Variants in ANXA8 observed in about 807,000 individuals in gnomAD.
ANXA8 encodes the protein annexin A8.
In ANXA8, 9 loss-of-function variants were observed where a neutral mutation model predicts 26.8. The observed-to-expected ratio is 0.34, with a 90% CI of 0.20 to 0.59. The LOEUF (loss-of-function observed/expected upper bound fraction) is 0.59. Ranked by LOEUF, ANXA8 falls within the 20% of genes least tolerant of loss-of-function variation. ANXA8 has a pLI of 0.84. For missense variants in ANXA8, 83 were observed against 238.5 expected, an observed-to-expected ratio of 0.35 and a Z score of 4.29; for synonymous variants, 39 against 94.8, an observed-to-expected ratio of 0.41 and a Z score of 3.42.
At chr10:47,645,370 T>C in the ANXA8 span, among the ~76,000 whole-genome samples, 1 of 148,116 alleles carries the variant, frequency 6.8e-6, no homozygotes, top group Admixed American at 6.7e-5. Context: ...GTCGTCTCAG[T>C]TAACACAAAG....
the ANXA8 span, among the ~76,000 whole-genome samples, chr10:47,625,576 C>T: frequency 6.6e-6 from 1 of 151,218 alleles, no homozygotes; most frequent in Non-Finnish European, 1.5e-5. Context: ...GAGATCTTGC[C>T]CCGTTCTCAC....
chr10:47,585,410 T>G, the ANXA8 span, among the ~76,000 whole-genome samples: 1 of 139,850 alleles, frequency 7.2e-6, no homozygotes, highest in African/African-American at 2.8e-5. Context: ...GCAATGATTC[T>G]GAATAAAGAT....
the ANXA8 span, chr10:47,689,980 T>C: frequency 6.3e-7 from 1 of 1,594,724 alleles, no homozygotes; most frequent in Non-Finnish European, 8.6e-7. Flanking sequence ...GAAAGATGAC[T>C]TTGTACGTTC....
At chr10:47,552,385 C>A in the ANXA8 span, among the ~76,000 whole-genome samples, 2 of 151,488 alleles carry the variant, frequency 1.3e-5, no homozygotes, top group African/African-American at 4.8e-5. Flanking sequence ...ACAGCTCAGA[C>A]CTAGACATCG....
At chr10:47,928,750 C>CTTTTTTT in the ANXA8 span, among the ~76,000 whole-genome samples, 1 of 102,768 alleles carries the variant, frequency 9.7e-6, no homozygotes, top group Non-Finnish European at 2.0e-5. Flanking sequence ...CTCTCTCTCT[C>CTTTTTTT]TTTTTTTTTT....
At chr10:47,563,782 A>C in the ANXA8 span, 2 of 746,236 alleles carry the variant, frequency 2.7e-6, no homozygotes, top group Middle Eastern at 6.6e-4. Context: ...ACCTTATCGG[A>C]ACTGATTTTT....
At chr10:47,626,082 C>T in the ANXA8 span, among the ~76,000 whole-genome samples, 1 of 150,348 alleles carries the variant, frequency 6.7e-6, no homozygotes, top group Admixed American at 6.6e-5. Context: ...TTTTATAGAT[C>T]TGGTACTGAG....
chr10:47,907,117 G>A, the ANXA8 span, among the ~76,000 whole-genome samples: 2 of 151,844 alleles, frequency 1.3e-5, no homozygotes, highest in Non-Finnish European at 2.9e-5. Flanking sequence ...AGCACTTTGG[G>A]AGGCGAGGTG....
chr10:47,939,628 G>A, the ANXA8 span, among the ~76,000 whole-genome samples: 1 of 145,182 alleles, frequency 6.9e-6, no homozygotes, highest in South Asian at 2.1e-4. Context: ...TACCTCAAGT[G>A]CAAGTCCAAA....
At chr10:47,939,414 C>A in the ANXA8 span, among the ~76,000 whole-genome samples, 1 of 145,148 alleles carries the variant, frequency 6.9e-6, no homozygotes, top group East Asian at 2.1e-4. Context: ...CCTGAAATCT[C>A]CTCTTCCCTT....
At chr10:47,700,122 A>G in the ANXA8 span, among the ~76,000 whole-genome samples, 6 of 152,160 alleles carry the variant, frequency 3.9e-5, no homozygotes, top group African/African-American at 1.4e-4. Context: ...CAATGAAAAT[A>G]TATGTGTTGT....
chr10:47,589,891 A>T, the ANXA8 span, among the ~76,000 whole-genome samples: 1 of 131,136 alleles, frequency 7.6e-6, no homozygotes, highest in East Asian at 2.0e-4. Context: ...GGGAAGGGGA[A>T]AGATAGATAG....
the ANXA8 span, among the ~76,000 whole-genome samples, chr10:47,595,735 C>G: frequency 8.0e-5 from 12 of 149,274 alleles, 1 homozygote; most frequent in South Asian, 2.5e-3. Context: ...AATATGCACC[C>G]AATATTAATT....
chr10:47,703,478 GGATT>G, the ANXA8 span, among the ~76,000 whole-genome samples: 1 of 150,828 alleles, frequency 6.6e-6, no homozygotes, highest in Non-Finnish European at 1.5e-5. Flanking sequence ...TGAGGTGGGA[GGATT>G]GATTGATCCC....
chr10:47,588,817 T>TTTC, the ANXA8 span: 1 of 127,870 alleles, frequency 7.8e-6, no homozygotes, highest in Admixed American at 7.4e-5. Context: ...CTCTCTTTTT[T>TTTC]TTTTTTTTTT....
chr10:47,907,118 A>C, the ANXA8 span, among the ~76,000 whole-genome samples: 5 of 151,826 alleles, frequency 3.3e-5, no homozygotes, highest in Non-Finnish European at 7.4e-5. Flanking sequence ...GCACTTTGGG[A>C]GGCGAGGTGG....
chr10:47,940,748 A>T, the ANXA8 span, among the ~76,000 whole-genome samples: 6,471 of 145,344 alleles, frequency 0.045, 157 homozygotes, highest in Non-Finnish European at 0.065. Flanking sequence ...GAAATGCTTG[A>T]ATTTGGAGGG....
chr10:47,588,670 A>G, the ANXA8 span: 2 of 147,056 alleles, frequency 1.4e-5, no homozygotes, highest in East Asian at 1.9e-4. Flanking sequence ...ATTAAATGAG[A>G]CATGTAAACA....
chr10:47,957,087 G>T, the ANXA8 span, among the ~76,000 whole-genome samples: 34 of 149,082 alleles, frequency 2.3e-4, 1 homozygote, highest in African/African-American at 7.9e-4. Flanking sequence ...TGATTTTCCA[G>T]GCTTTGATTG....
Sources: allele counts gnomAD v4.1 joint callset (sites outside exome capture counted in the v4.1 genomes callset), GRCh38; gene constraint gnomAD v4.1.1; transcripts MANE v1.5; gene names NCBI Gene and HGNC (gene_info 2026-07-23, HGNC 2026-07-21).